Variants in PAQR5 observed in about 807,000 individuals in gnomAD.
The protein encoded by PAQR5 is progestin and adipoQ receptor family member 5, also known as membrane progestin receptor gamma.
Under a neutral mutation model 34.5 loss-of-function variants are expected in PAQR5, and 20 were observed. That is an observed-to-expected ratio of 0.58 (90% confidence interval 0.41 to 0.84). PAQR5 has a LOEUF of 0.84. Ranked by LOEUF, PAQR5 falls within the 40% of genes least tolerant of loss-of-function variation. The pLI is 0.00. For synonymous variants in PAQR5, 131 were observed against 155.6 expected, an observed-to-expected ratio of 0.84 and a Z score of 1.18; for missense variants, 378 against 412.7, an observed-to-expected ratio of 0.92 and a Z score of 0.73.
At chr15:69,393,266 C>T (rs1034575727) in intron 6 of PAQR5, among the ~76,000 whole-genome samples, 28 of 150,402 alleles carry the variant, frequency 1.9e-4, no homozygotes, top group African/African-American at 7.0e-4. Context: ...GCCTGTCCTC[C>T]CCTCTCTTCA....
chr15:69,299,681 C>CT (rs934626035), intron 1 of PAQR5, among the ~76,000 whole-genome samples: 5 of 152,312 alleles, frequency 3.3e-5, no homozygotes, highest in African/African-American at 1.2e-4. Flanking sequence ...TTCCCAAGTC[C>CT]TAGTCGGATG....
Position 69,384,885 on chromosome 15 carries a change from A to T in PAQR5, c.385+3A>T. ...TGCCGTCAACCTCTTCAGCCTGGGT[A>T]TGTGAGGCCTTGTTCTTGCTTTCCT... On this transcript the variant is annotated splice_donor_region_variant and intron_variant, in intron 5 of 8. Coordinates refer to ENST00000395407, the MANE Select transcript of PAQR5 (RefSeq NM_017705.4). 1.9e-6 allele frequency: 3 copies of T among 1,611,446 alleles called. No homozygotes were observed. The highest frequency in any genetic ancestry group is 1.7e-6 in the Non-Finnish European group (2 of 1,178,168).
At chr15:69,332,230 G>C (rs796787180) in intron 1 of PAQR5, among the ~76,000 whole-genome samples, 3 of 152,320 alleles carry the variant, frequency 2.0e-5, no homozygotes, top group African/African-American at 7.2e-5. Flanking sequence ...GTAATGGAGA[G>C]AGGGGTATCA....
In PAQR5 at chr15:69,404,528, G is replaced by A. The variant is rs1313734177; in HGVS notation, c.*706G>A. The stretch of plus-strand genomic sequence containing the variant: ...GGTGTCATGTGTTCTGTTATGTTCT[G>A]TTTTCTGGTTGCCAGTTTGATCTGC... On this transcript the variant is annotated 3_prime_UTR_variant, in exon 9 of 9. Coordinates refer to ENST00000395407, the MANE Select transcript of PAQR5 (RefSeq NM_017705.4). 1 of 157,872 alleles carries A rather than the reference G, an allele frequency of 6.3e-6. No homozygotes were observed. The highest frequency in any genetic ancestry group is 2.4e-5 in the African/African-American group (1 of 41,698). The allele number at this position is 157,872 out of a possible 1,614,324, so 9.8% of individuals were successfully genotyped here.
chr15:69,345,029 G>A (rs562772614), intron 2 of PAQR5, among the ~76,000 whole-genome samples: 6 of 152,180 alleles, frequency 3.9e-5, no homozygotes, highest in African/African-American at 1.4e-4. Flanking sequence ...GAGAGGCGGA[G>A]GTTGCAGTGA....
At chr15:69,319,158 CATATATATATATATATATATATATATAT>C (rs869082537) in intron 1 of PAQR5, among the ~76,000 whole-genome samples, 4 of 4,272 alleles carry the variant, frequency 9.4e-4, no homozygotes, top group African/African-American at 1.2e-3. Flanking sequence ...TAAATATATA[CATATATATATATATATATATATATATAT>C]ATATATATAT....
In PAQR5 at chr15:69,306,200, G is replaced by A. The variant is rs551355412; in HGVS notation, c.-277+7144G>A. Among the ~76,000 whole-genome samples the A allele has an allele frequency of 3.3e-5, 5 of 152,188 alleles. No individual in the cohort carries two copies. The East Asian group carries it at 5.8e-4, about 18-fold the overall frequency. On this transcript the variant is annotated intron_variant, in intron 1 of 8. Transcript: ENST00000395407. ...CCAGCTGTGTTGCGGGGAATTGGGG[G>A]TGGGCAGCTGGGGCAACACATGTGC...
chr15:69,333,088 GA>G (rs2054423989), intron 1 of PAQR5, among the ~76,000 whole-genome samples: 1 of 151,932 alleles, frequency 6.6e-6, no homozygotes, highest in Non-Finnish European at 1.5e-5. Flanking sequence ...TTTTTCCTGG[GA>G]AAAGGTTTTT....
At chr15:69,345,509 A>G (rs2054746768) in intron 2 of PAQR5, among the ~76,000 whole-genome samples, 1 of 152,190 alleles carries the variant, frequency 6.6e-6, no homozygotes, top group South Asian at 2.1e-4. Flanking sequence ...TGAGATAGCC[A>G]AGTGCAAATT....
intron 1 of PAQR5, among the ~76,000 whole-genome samples, chr15:69,306,412 C>CTTT (rs34752383): frequency 1.1e-4 from 14 of 127,618 alleles, no homozygotes; most frequent in Admixed American, 2.6e-4. Flanking sequence ...ACCATTTAAC[C>CTTT]TTTTTTTTTT....
At chr15:69,317,556 T>C (rs1405778550) in intron 1 of PAQR5, among the ~76,000 whole-genome samples, 1 of 152,178 alleles carries the variant, frequency 6.6e-6, no homozygotes, top group African/African-American at 2.4e-5. Context: ...TGAGGTGTGC[T>C]CTTTGGGTAA....
Position 69,403,869 on chromosome 15 carries a change from C to A in PAQR5, c.*47C>A. On this transcript the variant is annotated 3_prime_UTR_variant, in exon 9 of 9. Transcript: ENST00000395407. ...GCCAGATGTCAACATTAAGCTGCAA[C>A]ATCCTAACCACCATAAGCCGGAGGT... is the stretch of plus-strand genomic sequence containing the variant. 6.3e-7 allele frequency: 1 copy of A among 1,593,774 alleles called. No individual in the cohort carries two copies. The highest frequency in any genetic ancestry group is 1.1e-5 in the South Asian group (1 of 89,244).
intron 1 of PAQR5, among the ~76,000 whole-genome samples, chr15:69,300,967 CTTTCTTT>C (rs2053586979): frequency 1.5e-5 from 1 of 67,652 alleles, no homozygotes; most frequent in African/African-American, 6.1e-5. Context: ...TTCTTTCTTT[CTTTCTTT>C]CTTTCTTTCT....
chr15:69,317,356 C>A (rs887737473), intron 1 of PAQR5, among the ~76,000 whole-genome samples: 7 of 152,170 alleles, frequency 4.6e-5, no homozygotes, highest in Admixed American at 2.6e-4. Flanking sequence ...GGCTGTGGGG[C>A]CACTTACAAG....
chr15:69,401,040 A>G (rs1433844915), intron 8 of PAQR5: 1 of 152,236 alleles, frequency 6.6e-6, no homozygotes, highest in African/African-American at 2.4e-5. Context: ...GGTGGAGAGA[A>G]GGTGTCAGAG....
At chr15:69,328,916 A>G (rs2054315184) in intron 1 of PAQR5, among the ~76,000 whole-genome samples, 1 of 152,198 alleles carries the variant, frequency 6.6e-6, no homozygotes, top group South Asian at 2.1e-4. Flanking sequence ...CAGCCACCGG[A>G]CCAGTTTCCA....
intron 2 of PAQR5, among the ~76,000 whole-genome samples, chr15:69,349,002 T>C (rs966706552): frequency 7.2e-5 from 11 of 152,316 alleles, no homozygotes; most frequent in African/African-American, 2.6e-4. Context: ...AGGCAAAACC[T>C]TGGATGATGT....
At chr15:69,397,383 G>A (rs765779952) in intron 6 of PAQR5, 85 bp from the exon 7 acceptor site, 46 of 872,744 alleles carry the variant, frequency 5.3e-5, no homozygotes, top group Non-Finnish European at 8.3e-5. Flanking sequence ...TGATGACCAG[G>A]CCCTCGGTGT....
intron 1 of PAQR5, among the ~76,000 whole-genome samples, chr15:69,304,688 T>A (rs2053676570): frequency 6.6e-6 from 1 of 152,056 alleles, no homozygotes; most frequent in South Asian, 2.1e-4. Flanking sequence ...AGGGGTGAGT[T>A]TTGCCCAAGC....
Sources: gnomAD v4.1 joint callset for allele counts (sites outside exome capture counted in the v4.1 genomes callset) on GRCh38, gnomAD v4.1.1 for gene constraint, MANE v1.5 for transcripts, NCBI Gene and HGNC (gene_info 2026-07-23, HGNC 2026-07-21) for gene names.